Variants in DAB1 observed in about 807,000 individuals in gnomAD.
DAB1 encodes the protein disabled homolog 1.
In DAB1, 15 loss-of-function variants were observed where a neutral mutation model predicts 64.6. The ratio of observed to expected loss-of-function variants is 0.23; its 90% CI spans 0.16 to 0.36. The LOEUF is 0.36. DAB1 is among the 10% of genes least tolerant of loss of function. The pLI is 1.00. For missense variants in DAB1, 596 were observed against 706.7 expected (o/e 0.84, Z 1.78); for synonymous variants, 235 against 251.9 (o/e 0.93, Z 0.64).
intron 7 of DAB1, among the ~76,000 whole-genome samples, chr1:57,562,905 C>A (rs765715730): frequency 1.3e-5 from 2 of 152,120 alleles, no homozygotes; most frequent in Non-Finnish European, 2.9e-5. Context: ...TTGACCCAGA[C>A]TATCAAGACG....
chr1:58,007,499 C>T (rs1646602798), intron 5 of DAB1, among the ~76,000 whole-genome samples: 1 of 152,178 alleles, frequency 6.6e-6, no homozygotes, highest in Admixed American at 6.6e-5. Context: ...TGTTTAAGTT[C>T]ACCATGTCAG....
chr1:57,718,595 C>T (rs1647112993), intron 6 of DAB1, among the ~76,000 whole-genome samples: 1 of 152,096 alleles, frequency 6.6e-6, no homozygotes, highest in African/African-American at 2.4e-5. Context: ...GGATCAGTTA[C>T]ATTTCACTTG....
downstream of DAB1, among the ~76,000 whole-genome samples, chr1:57,824,826 G>A (rs548198916): frequency 6.6e-6 from 1 of 152,336 alleles, no homozygotes; most frequent in East Asian, 1.9e-4. Context: ...GCTGGGCAGA[G>A]GAGCACTAAA....
intron 1 of DAB1, among the ~76,000 whole-genome samples, chr1:57,348,743 C>T (rs12737167): frequency 0.021 from 3,161 of 152,240 alleles, 40 homozygotes; most frequent in South Asian, 0.035. Flanking sequence ...TTCTGCCTGA[C>T]TCTAACCAAC....
intron 3 of DAB1, among the ~76,000 whole-genome samples, chr1:58,452,655 C>CAA (rs1245979623): frequency 0.043 from 4,583 of 105,396 alleles, 270 homozygotes; most frequent in African/African-American, 0.13. Context: ...ACAAAAATAC[C>CAA]AAAAAAAAAA....
At chr1:57,806,975 A>T (rs1198494047) in intron 6 of DAB1, among the ~76,000 whole-genome samples, 3 of 152,186 alleles carry the variant, frequency 2.0e-5, no homozygotes, top group Non-Finnish European at 4.4e-5. Flanking sequence ...ACCTGCATGT[A>T]GTAGTCACTC....
rs999834727 is a variant in DAB1, at chr1:58,538,223, T to C, written n.32+8480A>G. ...AACAAGAGAAAAAGGGTTAAAGCAC[T>C]ACAAGCTGTGAAAATATTATTATAA... On this transcript the variant is annotated intron_variant and non_coding_transcript_variant, in intron 1 of 20. Transcript: ENST00000485760. Among the ~76,000 whole-genome samples the C allele has an allele frequency of 2.6e-5, 4 of 152,118 alleles. 1 individual carries two copies. Among genetic ancestry groups the C allele is most frequent in the African/African-American group, 9.7e-5 (4 of 41,434 alleles).
chr1:58,062,727 A>C (rs1648579012), intron 5 of DAB1, among the ~76,000 whole-genome samples: 1 of 152,170 alleles, frequency 6.6e-6, no homozygotes, highest in African/African-American at 2.4e-5. Flanking sequence ...AGTCACCCAG[A>C]TGGCTTTCTG....
At chr1:57,358,001 A>G (rs1679259894) in intron 1 of DAB1, among the ~76,000 whole-genome samples, 1 of 152,088 alleles carries the variant, frequency 6.6e-6, no homozygotes, top group Admixed American at 6.6e-5. Context: ...TTGATTTTGT[A>G]TCCTGCAACT....
chr1:57,153,437 CG>C (rs1557822238), intron 2 of DAB1, among the ~76,000 whole-genome samples: 1 of 152,110 alleles, frequency 6.6e-6, no homozygotes, highest in Non-Finnish European at 1.5e-5. Context: ...TTGCATAACC[CG>C]GGGAGTACCT....
chr1:57,220,058 C>A (rs994740138), intron 2 of DAB1, among the ~76,000 whole-genome samples: 1 of 152,176 alleles, frequency 6.6e-6, no homozygotes, highest in Non-Finnish European at 1.5e-5. Flanking sequence ...TGGTTGTCTG[C>A]ACATAAATGT....
At chr1:58,145,370 C>T (rs75247039) in intron 5 of DAB1, among the ~76,000 whole-genome samples, 5,222 of 152,272 alleles carry the variant, frequency 0.034, 130 homozygotes, top group Non-Finnish European at 0.054. Flanking sequence ...CAACACATGA[C>T]GCATCTCTGT....
At chr1:58,186,272 AT>A (rs1372243809) in intron 4 of DAB1, among the ~76,000 whole-genome samples, 2 of 152,168 alleles carry the variant, frequency 1.3e-5, no homozygotes, top group East Asian at 3.9e-4. Flanking sequence ...AACAGAATGA[AT>A]GGAAGCTTTT....
At chr1:57,094,366 C>T (rs1320577303) in intron 4 of DAB1, among the ~76,000 whole-genome samples, 2 of 152,158 alleles carry the variant, frequency 1.3e-5, no homozygotes, top group Non-Finnish European at 2.9e-5. Flanking sequence ...ATCACATTCT[C>T]CCTTCTTCCT....
intron 1 of DAB1, chr1:57,862,676 T>C (rs1056159267): frequency 1.3e-5 from 2 of 152,198 alleles, no homozygotes; most frequent in African/African-American, 4.8e-5. Context: ...GACGAATACA[T>C]TCAAAGATGC....
intron 4 of DAB1, among the ~76,000 whole-genome samples, chr1:58,205,079 C>G (rs369489983): frequency 1.3e-5 from 2 of 152,026 alleles, no homozygotes; most frequent in African/African-American, 4.8e-5. Context: ...GTCACTTGCT[C>G]GAGGTCACAC....
intron 6 of DAB1, among the ~76,000 whole-genome samples, chr1:57,798,624 T>A (rs1650981892): frequency 1.3e-5 from 2 of 152,218 alleles, no homozygotes; most frequent in African/African-American, 4.8e-5. Context: ...AGGCAACTAA[T>A]TCATTTTAGC....
chr1:57,922,845 C>CAAAAA (rs367897659), intron 5 of DAB1, among the ~76,000 whole-genome samples: 3 of 45,002 alleles, frequency 6.7e-5, no homozygotes, highest in East Asian at 9.3e-4. Flanking sequence ...GACTCCATCT[C>CAAAAA]AAAAAAAAAA....
chr1:57,965,891 C>A (rs1473798050), intron 5 of DAB1, among the ~76,000 whole-genome samples: 1 of 151,942 alleles, frequency 6.6e-6, no homozygotes, highest in Admixed American at 6.6e-5. Context: ...TGCATTGTGG[C>A]AAATTTCTCT....
Sources: allele counts gnomAD v4.1 joint callset (sites outside exome capture counted in the v4.1 genomes callset), GRCh38; gene constraint gnomAD v4.1.1; transcripts MANE v1.5; gene names NCBI Gene and HGNC (gene_info 2026-07-23, HGNC 2026-07-21).